GALK2: variants seen among roughly 807,000 people sequenced by gnomAD.
GALK2 encodes galactokinase 2.
Under a neutral mutation model 52.4 loss-of-function variants are expected in GALK2, and 36 were observed. The observed-to-expected ratio is 0.69, with a 90% CI of 0.53 to 0.91. The LOEUF (loss-of-function observed/expected upper bound fraction) is 0.91. GALK2 is among the 40% of genes least tolerant of loss of function. GALK2 has a pLI of 0.00. For missense variants in GALK2, 579 were observed against 559.1 expected (o/e 1.04, Z -0.36); for synonymous variants, 176 against 199.1 (o/e 0.88, Z 0.98).
downstream of GALK2, chr15:49,335,616 C>G (rs2039572549): frequency 1.6e-6 from 1 of 609,134 alleles, no homozygotes; most frequent in East Asian, 2.7e-5. Context: ...TGAAGAGTCT[C>G]AAGTATAAAC....
chr15:49,323,247 G>A (rs145848579), intron 9 of GALK2, among the ~76,000 whole-genome samples: 1 of 152,262 alleles, frequency 6.6e-6, no homozygotes, highest in East Asian at 1.9e-4. Context: ...GGCCTGGTGT[G>A]AGCCACTGGT....
chr15:49,266,867 C>T (rs2092379611), intron 5 of GALK2, among the ~76,000 whole-genome samples: 1 of 152,026 alleles, frequency 6.6e-6, no homozygotes, highest in Non-Finnish European at 1.5e-5. Flanking sequence ...TTCAGTGTCC[C>T]CAGAAAAGTG....
chr15:49,300,628 A>G (rs539050293), intron 8 of GALK2, among the ~76,000 whole-genome samples: 2 of 152,186 alleles, frequency 1.3e-5, no homozygotes, highest in East Asian at 3.9e-4. Flanking sequence ...TAATTGAATC[A>G]CGGTGCCAGT....
chr15:49,196,517 T>C (rs1429270042), intron 1 of GALK2, among the ~76,000 whole-genome samples: 1 of 152,248 alleles, frequency 6.6e-6, no homozygotes, highest in Non-Finnish European at 1.5e-5. Context: ...TAATGTTTCA[T>C]TGTAACCAAA....
rs747491409 is a variant in GALK2, at chr15:49,331,834, A to G, written c.*3675A>G. On this transcript the variant is annotated 3_prime_UTR_variant, in exon 10 of 10. Coordinates refer to ENST00000560031, the MANE Select transcript of GALK2 (RefSeq NM_002044.4). Reference sequence around the variant, plus strand: ...GTTTCACTTCATGAGGTTTCTTGGTAGCCTTTGCTTGGAGTCTAATCATGG... The same window carrying G: ...GTTTCACTTCATGAGGTTTCTTGGTGGCCTTTGCTTGGAGTCTAATCATGG... The G allele has an allele frequency of 6.2e-6, 10 of 1,610,162 alleles. No individual in the cohort carries two copies. The highest frequency in any genetic ancestry group is 3.3e-4 in the Middle Eastern group (2 of 6,054).
chr15:49,204,082 C>T (rs1377131535), intron 2 of GALK2, among the ~76,000 whole-genome samples: 1 of 148,256 alleles, frequency 6.7e-6, no homozygotes, highest in Non-Finnish European at 1.5e-5. Context: ...ACCACTACTG[C>T]ACTCCAGCAG....
intron 3 of GALK2, among the ~76,000 whole-genome samples, chr15:49,350,816 A>G (rs2042134683): frequency 6.6e-6 from 1 of 152,152 alleles, no homozygotes; most frequent in Non-Finnish European, 1.5e-5. Context: ...ATGCGAGCCA[A>G]AGACAAAGTG....
intron 2 of GALK2, among the ~76,000 whole-genome samples, chr15:49,207,610 C>G (rs1235383502): frequency 6.6e-6 from 1 of 152,110 alleles, no homozygotes; most frequent in Non-Finnish European, 1.5e-5. Flanking sequence ...ATTTATCCAT[C>G]TATTCTAGGT....
intron 3 of GALK2, chr15:49,225,394 TC>T (rs1302268923): frequency 5.4e-6 from 2 of 368,338 alleles, no homozygotes; most frequent in Non-Finnish European, 1.1e-5. Flanking sequence ...GAGCTCGGTC[TC>T]CCGTCAGATC....
intron 1 of GALK2, 130 bp downstream of exon 1, chr15:49,170,505 C>A: frequency 1.2e-6 from 1 of 844,466 alleles, no homozygotes; most frequent in Non-Finnish European, 1.9e-6. Context: ...CCTTGGGATT[C>A]TATAAGGACA....
intron 1 of GALK2, among the ~76,000 whole-genome samples, chr15:49,192,848 C>T (rs1295174933): frequency 6.6e-6 from 1 of 151,944 alleles, no homozygotes; most frequent in Non-Finnish European, 1.5e-5. Flanking sequence ...ACAGGTCACC[C>T]TATGTGGCCT....
intron 3 of GALK2, among the ~76,000 whole-genome samples, chr15:49,222,680 G>A (rs528163215): frequency 7.9e-5 from 12 of 152,246 alleles, no homozygotes; most frequent in Non-Finnish European, 1.6e-4. Context: ...TTCTACTGAT[G>A]CGATGTGTCA....
chr15:49,254,825 A>T (rs1045328970), intron 5 of GALK2, among the ~76,000 whole-genome samples: 1 of 144,482 alleles, frequency 6.9e-6, no homozygotes, highest in South Asian at 2.2e-4. Flanking sequence ...TACATCTCTC[A>T]CACACACATG....
At chr15:49,336,029 A>G (rs999880556), downstream of GALK2, among the ~76,000 whole-genome samples, 2 of 152,038 alleles carry the variant, frequency 1.3e-5, no homozygotes, top group African/African-American at 4.8e-5. Flanking sequence ...TTGAACTTCA[A>G]ACTCCTGGGC....
chr15:49,240,106 G>T (rs2091019001), intron 5 of GALK2, among the ~76,000 whole-genome samples: 2 of 152,172 alleles, frequency 1.3e-5, no homozygotes, highest in Non-Finnish European at 2.9e-5. Flanking sequence ...AAAATTTTAT[G>T]TATAGGAGGA....
upstream of GALK2, among the ~76,000 whole-genome samples, chr15:49,165,948 G>A (rs1313685686): frequency 4.0e-5 from 6 of 151,660 alleles, no homozygotes; most frequent in Non-Finnish European, 7.4e-5. Context: ...GACTACAGGC[G>A]CCCACCACCA....
chr15:49,291,006 A>G lies in GALK2; in HGVS notation c.757-1321A>G, dbSNP rs535598125. Reference sequence around the variant, plus strand: ...AGTCTCACTTCATCACCCAGGCCGGAGCACAGTGGCATGACTTCCGCTCAC... The same window carrying G: ...AGTCTCACTTCATCACCCAGGCCGGGGCACAGTGGCATGACTTCCGCTCAC... On this transcript the variant is annotated intron_variant, in intron 7 of 9. Coordinates refer to ENST00000560031, the MANE Select transcript of GALK2 (RefSeq NM_002044.4). Among the ~76,000 whole-genome samples, 9 of 152,164 alleles carry G rather than the reference A, an allele frequency of 5.9e-5. No homozygotes were observed. In the East Asian group the frequency reaches 1.7e-3, roughly 29 times the overall value.
chr15:49,242,348 G>T (rs2091138835), intron 5 of GALK2, among the ~76,000 whole-genome samples: 1 of 152,190 alleles, frequency 6.6e-6, no homozygotes, highest in East Asian at 1.9e-4. Flanking sequence ...TGTGGATATA[G>T]AGTAATGTTG....
Position 49,330,986 on chromosome 15 carries a change from C to T in GALK2, c.*2827C>T, listed in dbSNP as rs1386940153. Reference sequence around the variant, plus strand: ...AACAACAACAACAAAAATGAATAGTCCTGTTTGCTTATTATACTGTCCTGT... The same window carrying T: ...AACAACAACAACAAAAATGAATAGTTCTGTTTGCTTATTATACTGTCCTGT... On this transcript the variant is annotated 3_prime_UTR_variant, in exon 10 of 10. Coordinates refer to ENST00000560031, the MANE Select transcript of GALK2 (RefSeq NM_002044.4). 6.6e-6 allele frequency: 1 copy of T among 152,170 alleles called. No homozygotes were observed. Among genetic ancestry groups the T allele is most frequent in the African/African-American group, 2.4e-5 (1 of 41,414 alleles). 9.4% of individuals were successfully genotyped at this position (152,170 alleles called of 1,614,324 possible). A position where few individuals can be genotyped will look rare whatever the true frequency, so the allele number is the denominator to read the frequency against.
Sources: gnomAD v4.1 joint callset for allele counts (sites outside exome capture counted in the v4.1 genomes callset) on GRCh38, gnomAD v4.1.1 for gene constraint, MANE v1.5 for transcripts, NCBI Gene and HGNC (gene_info 2026-07-23, HGNC 2026-07-21) for gene names.